Variants in CYB5R4 observed in about 807,000 individuals in gnomAD.
The protein encoded by CYB5R4 is cytochrome b5 reductase 4.
CYB5R4 carries 55 observed loss-of-function variants against 70.2 expected under a neutral mutation model. The observed-to-expected ratio is 0.78, with a 90% CI of 0.63 to 0.98. The LOEUF is 0.98. Among genes scored for constraint, CYB5R4 ranks in the 50% least tolerant of loss-of-function variants. CYB5R4 has a pLI of 0.00. For missense variants in CYB5R4, 562 were observed against 612.6 expected, an observed-to-expected ratio of 0.92 and a Z score of 0.87; for synonymous variants, 197 against 199.5, an observed-to-expected ratio of 0.99 and a Z score of 0.11.
At chr6:83,940,228 T>TA in intron 13 of CYB5R4, 22 bp downstream of exon 13, 1 of 1,583,532 alleles carries the variant, frequency 6.3e-7, no homozygotes, top group East Asian at 2.3e-5. Context: ...TGTCTCTAAT[T>TA]ACGATCCTTT....
At chr6:83,899,392 T>C (rs1053408761) in intron 3 of CYB5R4, among the ~76,000 whole-genome samples, 32 of 152,200 alleles carry the variant, frequency 2.1e-4, no homozygotes, top group African/African-American at 7.7e-4. Flanking sequence ...GATTTTTGCA[T>C]CAATGTTCAT....
rs752953666 is a variant in CYB5R4 at position 83,936,310 on chromosome 6, A to T, written c.1042A>T (p.Ile348Phe). ...ACCAGTTCTTCCCAACAATAAATAC[A>T]TCTACTTTTTGATAAAAATCTATCC... ...KEPVLPNNKY[I>F]YFLIKIYPTG... Residue 348 changes from isoleucine to phenylalanine, a missense_variant, in exon 12 of 16, where the codon ATC (isoleucine) becomes TTC (phenylalanine). Transcript: ENST00000369681. 1.9e-6 allele frequency: 3 copies of T among 1,612,522 alleles called. No individual in the cohort carries two copies. Among genetic ancestry groups the T allele is most frequent in the Non-Finnish European group, 1.7e-6 (2 of 1,179,028 alleles).
At chr6:83,940,357 T>G (rs2099469553) in intron 13 of CYB5R4, 151 bp downstream of exon 13, 4 of 1,083,966 alleles carry the variant, frequency 3.7e-6, no homozygotes, top group Non-Finnish European at 5.1e-6. Context: ...CCTAGCTATT[T>G]TATTAACTAG....
intron 14 of CYB5R4, among the ~76,000 whole-genome samples, chr6:83,954,935 T>G (rs1201116856): frequency 6.6e-6 from 1 of 150,832 alleles, no homozygotes; most frequent in Admixed American, 6.6e-5. Flanking sequence ...TTGTAGAAAC[T>G]AGGTCTCACT....
intron 14 of CYB5R4, among the ~76,000 whole-genome samples, chr6:83,952,883 G>T (rs1252033439): frequency 6.6e-6 from 1 of 152,114 alleles, no homozygotes; most frequent in African/African-American, 2.4e-5. Context: ...GTCAGTATTG[G>T]GACTGGCAAT....
At chr6:83,935,050 A>G (rs904242844) in intron 11 of CYB5R4, among the ~76,000 whole-genome samples, 2 of 152,174 alleles carry the variant, frequency 1.3e-5, no homozygotes, top group African/African-American at 4.8e-5. Flanking sequence ...CTCCATGAAG[A>G]CAACTACTAG....
At position 83,890,049 on chromosome 6, in the gene CYB5R4, C is replaced by T. The variant is rs574967162; in HGVS notation, c.230-3473C>T. 9.9e-5 allele frequency among the ~76,000 whole-genome samples: 15 copies of T among 152,258 alleles called. No individual in the cohort carries two copies. In the South Asian group the frequency reaches 2.5e-3, roughly 25 times the overall value. On this transcript the variant is annotated intron_variant, in intron 2 of 15. Transcript: ENST00000369681. ...TGGGACAGATATACAAACTATATCA[C>T]CTTCTAACACGGCATCCATCCTGCA... is the stretch of plus-strand genomic sequence containing the variant.
At chr6:83,939,618 T>C (rs1035307699) in intron 12 of CYB5R4, among the ~76,000 whole-genome samples, 2 of 152,200 alleles carry the variant, frequency 1.3e-5, no homozygotes, top group Admixed American at 6.5e-5. Context: ...TAATAATCAA[T>C]GTGTAAATAG....
rs773984745 is a variant in CYB5R4, at chr6:83,918,004, G to A, written c.446-1G>A. ...AACTATAGCTATCTTTCTTTGTAAA[G>A]GCATGCTTCCCAAGAGCCAAGTGAC... is the stretch of plus-strand genomic sequence containing the variant. On this transcript the variant is annotated splice_acceptor_variant, in intron 5 of 15. Coordinates refer to ENST00000369681, the MANE Select transcript of CYB5R4 (RefSeq NM_016230.4). LOFTEE classifies it high-confidence loss of function. The A allele has an allele frequency of 6.2e-7, 1 of 1,609,228 alleles. No individual in the cohort carries two copies. The highest frequency in any genetic ancestry group is 8.5e-7 in the Non-Finnish European group (1 of 1,176,404).
intron 1 of CYB5R4, among the ~76,000 whole-genome samples, chr6:83,861,692 G>C (rs1319163237): frequency 2.0e-5 from 3 of 152,210 alleles, no homozygotes; most frequent in African/African-American, 7.2e-5. Context: ...TCCAAGGTCG[G>C]TTCCTGCCTT....
rs547299888 is a variant in CYB5R4 at position 83,915,869 on chromosome 6, A to G, written c.445+1421A>G. On this transcript the variant is annotated intron_variant, in intron 5 of 15. Coordinates refer to ENST00000369681, the MANE Select transcript of CYB5R4 (RefSeq NM_016230.4). The stretch of plus-strand genomic sequence containing the variant: ...ACTGAATGGGTTGGACTACTTTCCT[A>G]TTCCACTAGAGACCCGATCCCTTCA... Among the ~76,000 whole-genome samples the G allele has an allele frequency of 2.0e-5, 3 of 152,290 alleles. No individual in the cohort carries two copies. In the South Asian group the frequency reaches 6.2e-4, roughly 32 times the overall value.
chr6:83,967,100 G>T lies in CYB5R4; in HGVS notation c.*7222G>T, dbSNP rs1290904213. ...CTGATGGAAAAAAATGTGAGCCAAG[G>T]ATTTTACACCCAACAAAACTTAATG... On this transcript the variant is annotated 3_prime_UTR_variant, in exon 16 of 16. Transcript: ENST00000369681. 1 of 152,180 alleles carries T rather than the reference G, an allele frequency of 6.6e-6. No individual in the cohort carries two copies. Among genetic ancestry groups the T allele is most frequent in the Non-Finnish European group, 1.5e-5 (1 of 68,032 alleles). 9.4% of individuals were successfully genotyped at this position (152,180 alleles called of 1,614,324 possible). A position where few individuals can be genotyped will look rare whatever the true frequency, so the allele number is the denominator to read the frequency against.
At chr6:83,920,819 T>TAGTCCCTTAACCTTAGA (rs1407083286) in intron 7 of CYB5R4, among the ~76,000 whole-genome samples, 1 of 152,098 alleles carries the variant, frequency 6.6e-6, no homozygotes, top group Non-Finnish European at 1.5e-5. Flanking sequence ...GTTCTAAAGA[T>TAGTCCCTTAACCTTAGA]AGTCCCTTAA....
At chr6:83,912,546 A>G (rs1235568762) in intron 4 of CYB5R4, among the ~76,000 whole-genome samples, 1 of 152,212 alleles carries the variant, frequency 6.6e-6, no homozygotes, top group African/African-American at 2.4e-5. Flanking sequence ...AGCCTTCTAA[A>G]TGACTCTGAC....
Position 83,863,878 on chromosome 6 carries a change from A to G in CYB5R4, c.76-297A>G, listed in dbSNP as rs548479776. 1.5e-3 allele frequency among the ~76,000 whole-genome samples: 227 copies of G among 152,310 alleles called. 1 individual carries two copies. Among genetic ancestry groups the G allele is most frequent in the African/African-American group, 5.2e-3 (218 of 41,562 alleles). On this transcript the variant is annotated intron_variant, in intron 1 of 15. Transcript: ENST00000369681. ...ATAGGTTATATGTCAGTACTTTGCCATTTTATATGAGACACTTGAGCATCC... is the reference window on the plus strand; with the variant it reads ...ATAGGTTATATGTCAGTACTTTGCCGTTTTATATGAGACACTTGAGCATCC...
In CYB5R4 at chr6:83,964,024, C is replaced by T. The variant is rs1252524783; in HGVS notation, c.*4146C>T. ...TTCACCTCCTGCCATGATTCTGAGGCCTCCCCAGCCATGTGGAACTGTAAG... is the reference window on the plus strand; with the variant it reads ...TTCACCTCCTGCCATGATTCTGAGGTCTCCCCAGCCATGTGGAACTGTAAG... On this transcript the variant is annotated 3_prime_UTR_variant, in exon 16 of 16. Coordinates refer to ENST00000369681, the MANE Select transcript of CYB5R4 (RefSeq NM_016230.4). The T allele has an allele frequency of 1.3e-5, 3 of 226,024 alleles. No homozygotes were observed. Among genetic ancestry groups the T allele is most frequent in the South Asian group, 8.0e-5 (1 of 12,538 alleles). 14.0% of individuals were successfully genotyped at this position (226,024 alleles called of 1,614,324 possible). A position where few individuals can be genotyped will look rare whatever the true frequency, so the allele number is the denominator to read the frequency against.
chr6:83,945,369 C>A (rs894496822), intron 14 of CYB5R4, among the ~76,000 whole-genome samples: 2 of 152,228 alleles, frequency 1.3e-5, no homozygotes, highest in East Asian at 3.9e-4. Context: ...TTCTTTGAAA[C>A]CAATGAGAAC....
chr6:83,921,739 TA>T (rs2099466407), intron 8 of CYB5R4, among the ~76,000 whole-genome samples: 1 of 152,184 alleles, frequency 6.6e-6, no homozygotes, highest in African/African-American at 2.4e-5. Flanking sequence ...ATTCCACAGT[TA>T]AAAATATGAA....
chr6:83,877,327 A>G (rs9449714), intron 2 of CYB5R4, among the ~76,000 whole-genome samples: 23,382 of 152,054 alleles, frequency 0.15, 3,518 homozygotes, highest in African/African-American at 0.37. Flanking sequence ...CTCTACCATC[A>G]TTCTTTTTTT....
Sources: allele counts gnomAD v4.1 joint callset (sites outside exome capture counted in the v4.1 genomes callset), GRCh38; gene constraint gnomAD v4.1.1; transcripts MANE v1.5; gene names NCBI Gene and HGNC (gene_info 2026-07-23, HGNC 2026-07-21).